TMPRSS9: variants seen among roughly 807,000 people sequenced by gnomAD.
TMPRSS9 encodes the protein transmembrane serine protease 9.
A neutral mutation model predicts 111.4 loss-of-function variants in TMPRSS9; 113 were observed. The ratio of observed to expected loss-of-function variants is 1.01; its 90% confidence interval spans 0.87 to 1.19. TMPRSS9 has a LOEUF of 1.19. TMPRSS9 is among the 50% of genes most tolerant of loss of function. The pLI, the probability that TMPRSS9 is intolerant of heterozygous loss-of-function variation, is 0.00. For synonymous variants in TMPRSS9, 805 were observed against 659.1 expected (o/e 1.22, Z -3.39); for missense variants, 1,803 against 1,513.1 (o/e 1.19, Z -3.18).
At chr19:2,368,777 T>TG in intron 1 of TMPRSS9, among the ~76,000 whole-genome samples, 4 of 99,642 alleles carry the variant, frequency 4.0e-5, no homozygotes, top group African/African-American at 2.3e-4. Flanking sequence ...AAACCCAGTT[T>TG]TTTTTTTTTT....
intron 13 of TMPRSS9, among the ~76,000 whole-genome samples, chr19:2,420,201 G>A (rs547307708): frequency 1.3e-3 from 194 of 152,158 alleles, no homozygotes; most frequent in Non-Finnish European, 2.2e-3. Flanking sequence ...CATTTTGGGA[G>A]GCCGAGGCAG....
intron 1 of TMPRSS9, among the ~76,000 whole-genome samples, chr19:2,362,361 T>G (rs966381403): frequency 2.1e-4 from 32 of 150,968 alleles, no homozygotes; most frequent in Non-Finnish European, 5.9e-5. Context: ...ATTGTGTGAC[T>G]GTGCAGCCAT....
At chr19:2,373,301 G>T (rs1199075440) in intron 1 of TMPRSS9, among the ~76,000 whole-genome samples, 1 of 151,990 alleles carries the variant, frequency 6.6e-6, no homozygotes, top group Non-Finnish European at 1.5e-5. Context: ...AGCAATCTGG[G>T]CTCACTTCAA....
chr19:2,371,197 G>T (rs1970287279), intron 1 of TMPRSS9, among the ~76,000 whole-genome samples: 1 of 152,100 alleles, frequency 6.6e-6, no homozygotes, highest in Admixed American at 6.6e-5. Context: ...TCCCCAGCTG[G>T]CCTCATCTGG....
upstream of TMPRSS9, among the ~76,000 whole-genome samples, chr19:2,385,160 G>A (rs1253574453): frequency 1.7e-5 from 2 of 117,608 alleles, no homozygotes; most frequent in Non-Finnish European, 3.3e-5. Flanking sequence ...AGCTCGCGGA[G>A]GGCGGGGCTC....
rs149198333 is a variant in TMPRSS9, at chr19:2,399,125, G to C, written c.446G>C (p.Arg149Pro). ...GAGGAGCTATTGCAGCGAGGGATCC[G>C]GGCAAGGCTGCGGGAGCACGGCATC... Residue 149 changes from arginine to proline, a missense_variant, in exon 4 of 18, where the codon CGG becomes CCG. By Grantham distance (103) the Arg-to-Pro change is moderately radical. Transcript: ENST00000648592. The C allele has an allele frequency of 2.3e-5, 37 of 1,613,400 alleles. 1 individual carries two copies. In the South Asian group the frequency reaches 3.8e-4, roughly 17 times the overall value.
intron 1 of TMPRSS9, among the ~76,000 whole-genome samples, chr19:2,390,324 G>C (rs535048373): frequency 3.9e-3 from 520 of 131,924 alleles, no homozygotes; most frequent in Admixed American, 5.8e-3. Context: ...CTCACTGCAA[G>C]CTCCACCTCC....
intron 13 of TMPRSS9, among the ~76,000 whole-genome samples, chr19:2,419,511 TTTTC>T: frequency 7.0e-6 from 1 of 143,014 alleles, no homozygotes; most frequent in South Asian, 2.2e-4. Flanking sequence ...CTAGATTTCT[TTTTC>T]TTTTTCCTTT....
chr19:2,363,669 C>T (rs981535857), intron 1 of TMPRSS9, among the ~76,000 whole-genome samples: 11 of 151,638 alleles, frequency 7.3e-5, no homozygotes, highest in East Asian at 1.9e-4. Flanking sequence ...CCCGGCCCTG[C>T]GCCCCTCGGT....
At chr19:2,415,590 G>C in intron 10 of TMPRSS9, 80 bp from the exon 12 acceptor site, 1 of 1,320,916 alleles carries the variant, frequency 7.6e-7, no homozygotes, top group South Asian at 1.7e-5. Context: ...GCTGCAACCG[G>C]TGTCCTGGGA....
At chr19:2,419,987 C>A (rs189172890) in intron 13 of TMPRSS9, among the ~76,000 whole-genome samples, 2 of 151,960 alleles carry the variant, frequency 1.3e-5, no homozygotes, top group Non-Finnish European at 2.9e-5. Context: ...AGTGAGACCC[C>A]GTCTCTACAA....
intron 1 of TMPRSS9, among the ~76,000 whole-genome samples, chr19:2,377,287 ATGTATATATGTATG>A (rs1970344347): frequency 5.1e-5 from 6 of 117,828 alleles, no homozygotes; most frequent in Admixed American, 3.8e-4. Context: ...GTATGTATGT[ATGTATATATGTATG>A]TATGTATGTA....
At chr19:2,422,869 C>G (rs1274536582) in intron 14 of TMPRSS9, among the ~76,000 whole-genome samples, 1 of 152,028 alleles carries the variant, frequency 6.6e-6, no homozygotes, top group Non-Finnish European at 1.5e-5. Context: ...GCCTGGGCAA[C>G]AGAGTGAGAC....
intron 9 of TMPRSS9, among the ~76,000 whole-genome samples, chr19:2,412,518 C>A (rs73918164): frequency 0.057 from 8,713 of 152,198 alleles, 868 homozygotes; most frequent in African/African-American, 0.2. Context: ...TTCTATGTAC[C>A]CTTTCAAGGG....
rs557343699 is a variant in TMPRSS9, at chr19:2,401,252, C to T, written c.515-723C>T. 3.3e-5 allele frequency among the ~76,000 whole-genome samples: 5 copies of T among 151,696 alleles called. No individual in the cohort carries two copies. The East Asian group carries it at 5.8e-4, about 18-fold the overall frequency. On this transcript the variant is annotated intron_variant, in intron 4 of 17. Transcript: ENST00000648592. ...TCGCGCCACTGCTCTCCAGCCTGGG[C>T]GACAGAGGGAGACTCCGTCTCAAAA...
chr19:2,382,191 A>G (rs2145263411), intron 1 of TMPRSS9, among the ~76,000 whole-genome samples: 1 of 151,810 alleles, frequency 6.6e-6, no homozygotes, highest in East Asian at 1.9e-4. Context: ...ACAGGGTCTC[A>G]CTCTGTGTTG....
chr19:2,416,826 C>T lies in TMPRSS9; in HGVS notation c.2017+17C>T, dbSNP rs567521104. ...AAGGAAATGGTGAGCGCTGCCCCAT[C>T]GAGGGGAACGGTGGATTTATTCTCC... On this transcript the variant is annotated intron_variant, in intron 12 of 17. Transcript: ENST00000648592. The T allele has an allele frequency of 1.6e-4, 252 of 1,589,288 alleles. 3 individuals carry two copies. The South Asian group carries it at 2.1e-3, about 14-fold the overall frequency.
upstream of TMPRSS9, among the ~76,000 whole-genome samples, chr19:2,386,288 G>A (rs369176869): frequency 1.6e-4 from 24 of 151,854 alleles, no homozygotes; most frequent in East Asian, 3.3e-3. Flanking sequence ...GGCAGATCAC[G>A]AGATCAGGAG....
intron 1 of TMPRSS9, among the ~76,000 whole-genome samples, chr19:2,392,954 T>G (rs1970629318): frequency 6.6e-6 from 1 of 152,174 alleles, no homozygotes; most frequent in Admixed American, 6.6e-5. Context: ...TGTGTCTAGC[T>G]AAAGATTTGT....
Sources: allele counts gnomAD v4.1 joint callset (sites outside exome capture counted in the v4.1 genomes callset), GRCh38; gene constraint gnomAD v4.1.1; transcripts MANE v1.5; gene names NCBI Gene and HGNC (gene_info 2026-07-23, HGNC 2026-07-21).